PSME4: variants seen among roughly 807,000 people sequenced by gnomAD.
The protein encoded by PSME4 is proteasome activator subunit 4.
In PSME4, 89 loss-of-function variants were observed where a neutral mutation model predicts 253.9. The observed-to-expected ratio is 0.35, with a 90% CI of 0.30 to 0.42. PSME4 has a LOEUF of 0.42. Ranked by LOEUF, PSME4 falls within the 10% of genes least tolerant of loss-of-function variation. PSME4 has a pLI of 1.00. For missense variants in PSME4, 2,014 were observed against 2,195.2 expected (o/e 0.92, Z 1.65); for synonymous variants, 851 against 759.2 (o/e 1.12, Z -1.99).
chr2:53,896,972 T>C, intron 31 of PSME4, 87 bp from the exon 32 acceptor site: 1 of 1,009,820 alleles, frequency 9.9e-7, no homozygotes, highest in Non-Finnish European at 1.5e-6. Context: ...GAAATAGGAT[T>C]CTGTTTCTTT....
At position 53,970,568 on chromosome 2, in the gene PSME4, G is replaced by A. The variant is rs758183441; in HGVS notation, c.217C>T (p.Leu73Phe). The A allele has an allele frequency of 6.4e-5, 99 of 1,548,046 alleles. No individual in the cohort carries two copies. The highest frequency in any genetic ancestry group is 8.1e-5 in the Non-Finnish European group (93 of 1,146,812). ...VQLQELWPGGLFWTRKLSTYI... is the reference protein window; with the variant it reads ...VQLQELWPGGFFWTRKLSTYI... ...GTGGAGAGTTTCCTGGTCCAGAAGA[G>A]GCCCCCGGGCCACAGCTCTTGGAGC... The change falls in exon 1 of 47, where the codon CTC (leucine) becomes TTC (phenylalanine). Residue 73 changes from leucine to phenylalanine, a missense_variant. By Grantham distance (22) the Leu-to-Phe change is conservative. Transcript: ENST00000404125.
intron 5 of PSME4, among the ~76,000 whole-genome samples, chr2:53,937,067 G>C (rs1028821789): frequency 6.6e-6 from 1 of 152,052 alleles, no homozygotes; most frequent in Non-Finnish European, 1.5e-5. Flanking sequence ...ACTAAGTACT[G>C]TCCATTCTTA....
chr2:53,960,277 T>G (rs1171859044), intron 1 of PSME4, among the ~76,000 whole-genome samples: 1 of 151,894 alleles, frequency 6.6e-6, no homozygotes, highest in African/African-American at 2.4e-5. Context: ...CGGGCGCCTG[T>G]AATCCTAGCT....
rs757252290 is a variant in PSME4, at chr2:53,897,969, C to A, written c.3507G>T (p.Gly1169=). 36 of 1,613,656 alleles carry A rather than the reference C, an allele frequency of 2.2e-5. No homozygotes were observed. The South Asian group carries it at 3.8e-4, about 17-fold the overall frequency. ...LPWKFEHIGI[G]LLSLLLRDDR... is the part of the protein sequence containing the mutation. ...CATCTCTCAGCAGTAGAGACAGAAG[C>A]CCAATGCCTATATGTTCAAATTTCC... is the stretch of plus-strand genomic sequence containing the variant. Residue 1169 remains glycine, a synonymous_variant, in exon 31 of 47, where the codon GGG becomes GGT. Transcript: ENST00000404125.
At chr2:53,888,853 A>G in intron 37 of PSME4, 41 bp from the exon 38 acceptor site, 1 of 1,415,452 alleles carries the variant, frequency 7.1e-7, no homozygotes, top group East Asian at 2.3e-5. Context: ...CAGAGAACCT[A>G]CAATTCTGTA....
Position 53,892,964 on chromosome 2 carries a change from T to C in PSME4, c.4039-4A>G, listed in dbSNP as rs749856302. 25 of 1,608,544 alleles carry C rather than the reference T, an allele frequency of 1.6e-5. No individual in the cohort carries two copies. Among genetic ancestry groups the C allele is most frequent in the Middle Eastern group, 3.3e-4 (2 of 6,008 alleles). On this transcript the variant is annotated splice_region_variant and splice_polypyrimidine_tract_variant and intron_variant, in intron 35 of 46. Coordinates refer to ENST00000404125, the MANE Select transcript of PSME4 (RefSeq NM_014614.3). The stretch of plus-strand genomic sequence containing the variant: ...CATCAAAATTCCTGAATATACCCTA[T>C]AAAAACAAAGACTGTTCTTCAGTAC...
intron 1 of PSME4, among the ~76,000 whole-genome samples, chr2:53,952,473 C>T (rs1380530525): frequency 2.0e-5 from 3 of 152,048 alleles, no homozygotes; most frequent in Non-Finnish European, 4.4e-5. Context: ...ACCTGGGAGG[C>T]GGAGGTTGCA....
chr2:53,889,377 G>C (rs1015487754), intron 37 of PSME4, among the ~76,000 whole-genome samples: 10 of 151,988 alleles, frequency 6.6e-5, no homozygotes, highest in Non-Finnish European at 1.5e-4. Context: ...CTAATACAAT[G>C]TAAATGCTAT....
intron 40 of PSME4, 136 bp downstream of exon 40, chr2:53,887,123 T>C (rs2104423049): frequency 2.7e-6 from 2 of 729,050 alleles, no homozygotes; most frequent in East Asian, 2.7e-5. Flanking sequence ...CACTGAACTG[T>C]ACACTTAAAA....
At chr2:53,951,094 T>G (rs917579284) in intron 1 of PSME4, among the ~76,000 whole-genome samples, 1 of 151,990 alleles carries the variant, frequency 6.6e-6, no homozygotes, top group Admixed American at 6.6e-5. Flanking sequence ...TTCTTTTTTT[T>G]CCCCCCAAGA....
chr2:53,954,351 G>C (rs1366323720), intron 1 of PSME4, among the ~76,000 whole-genome samples: 1 of 151,704 alleles, frequency 6.6e-6, no homozygotes, highest in Non-Finnish European at 1.5e-5. Flanking sequence ...AAGAAAGAAA[G>C]ACAGTGGGCT....
At chr2:53,878,441 G>C (rs1213039001) in intron 41 of PSME4, among the ~76,000 whole-genome samples, 1 of 152,122 alleles carries the variant, frequency 6.6e-6, no homozygotes, top group Non-Finnish European at 1.5e-5. Flanking sequence ...AAAAAGAACA[G>C]GATAACAGCA....
chr2:53,966,757 G>T (rs918012074), intron 1 of PSME4, among the ~76,000 whole-genome samples: 3 of 151,984 alleles, frequency 2.0e-5, no homozygotes, highest in Non-Finnish European at 4.4e-5. Flanking sequence ...TGCCGAGGCT[G>T]GAGTGGCGCT....
chr2:53,922,141 C>CA (rs1406693137), intron 17 of PSME4, among the ~76,000 whole-genome samples: 2 of 151,952 alleles, frequency 1.3e-5, no homozygotes, highest in African/African-American at 4.8e-5. Flanking sequence ...CACTGCACTC[C>CA]AGCGTGGGCG....
intron 6 of PSME4, 101 bp downstream of exon 6, chr2:53,936,663 C>T: frequency 1.3e-6 from 1 of 795,752 alleles, no homozygotes; most frequent in Admixed American, 3.1e-5. Flanking sequence ...AGTTACTTAC[C>T]AAATGATCTA....
chr2:53,925,480 T>C, intron 14 of PSME4, 59 bp downstream of exon 14: 1 of 1,407,466 alleles, frequency 7.1e-7, no homozygotes, highest in African/African-American at 1.4e-5. Flanking sequence ...GAAGTCAATT[T>C]TAAAACATCA....
chr2:53,949,805 T>C (rs1669893004), intron 1 of PSME4, among the ~76,000 whole-genome samples: 1 of 152,202 alleles, frequency 6.6e-6, no homozygotes, highest in South Asian at 2.1e-4. Context: ...TACAACAATG[T>C]ATATATGGTT....
At chr2:53,878,314 T>G (rs1411130426) in intron 41 of PSME4, among the ~76,000 whole-genome samples, 3 of 152,256 alleles carry the variant, frequency 2.0e-5, no homozygotes, top group African/African-American at 7.2e-5. Flanking sequence ...CTGTCTTTAC[T>G]TTAATCTCTT....
Position 53,908,795 on chromosome 2 carries a change from C to G in PSME4, c.2618G>C (p.Arg873Thr). 2 of 1,599,840 alleles carry G rather than the reference C, an allele frequency of 1.3e-6. No homozygotes were observed. Among genetic ancestry groups the G allele is most frequent in the Non-Finnish European group, 1.7e-6 (2 of 1,170,334 alleles). The change falls in exon 22 of 47, where the codon AGG (arginine) becomes ACG (threonine). Residue 873 changes from arginine to threonine, a missense_variant. Arg to Thr is a moderately conservative substitution (Grantham distance 71). Transcript: ENST00000404125. ...NHREVIATVI[R>T]KLLNHILDNS... ...ACAGATACACTTACTAAGAAGTTTCCTTATAACTGTAGCAATTACTTCTCG... is the reference window on the plus strand; with the variant it reads ...ACAGATACACTTACTAAGAAGTTTCGTTATAACTGTAGCAATTACTTCTCG...
Sources: gnomAD v4.1 joint callset for allele counts (sites outside exome capture counted in the v4.1 genomes callset) on GRCh38, gnomAD v4.1.1 for gene constraint, MANE v1.5 for transcripts, NCBI Gene and HGNC (gene_info 2026-07-23, HGNC 2026-07-21) for gene names.